Variants in MPHOSPH9 observed in about 807,000 individuals in gnomAD.
MPHOSPH9 encodes the protein M-phase phosphoprotein 9.
A neutral mutation model predicts 145.5 loss-of-function variants in MPHOSPH9; 88 were observed. The ratio of observed to expected loss-of-function variants is 0.60; its 90% CI spans 0.51 to 0.72. The LOEUF is 0.72. Among genes scored for constraint, MPHOSPH9 ranks in the 30% least tolerant of loss-of-function variants. MPHOSPH9 has a pLI of 0.00. For synonymous variants in MPHOSPH9, 435 were observed against 486.2 expected, an observed-to-expected ratio of 0.89 and a Z score of 1.39; for missense variants, 1,238 against 1,386.6, an observed-to-expected ratio of 0.89 and a Z score of 1.70.
At chr12:123,178,578 C>CA (rs1194453926) in intron 15 of MPHOSPH9, among the ~76,000 whole-genome samples, 5 of 152,106 alleles carry the variant, frequency 3.3e-5, no homozygotes, top group Admixed American at 2.0e-4. Context: ...GGCTGGAGTG[C>CA]AGTGGCGTGA....
chr12:123,230,859 T>C (rs1439562502), intron 1 of MPHOSPH9, among the ~76,000 whole-genome samples: 1 of 152,198 alleles, frequency 6.6e-6, no homozygotes, highest in Non-Finnish European at 1.5e-5. Flanking sequence ...ATATCTTGAA[T>C]GGGCAAATTC....
At position 123,221,674 on chromosome 12, in the gene MPHOSPH9, C is replaced by G. The variant is rs1289174594; in HGVS notation, c.570G>C (p.Val190=). 1 of 1,614,120 alleles carries G rather than the reference C, an allele frequency of 6.2e-7. No individual in the cohort carries two copies. Among genetic ancestry groups the G allele is most frequent in the Non-Finnish European group, 8.5e-7 (1 of 1,180,028 alleles). Residue 190 remains valine, a synonymous_variant, in exon 5 of 24, where the codon GTG becomes GTC. Transcript: ENST00000606320. The part of the protein sequence containing the change: ...EMSTSQPDCN[V]DSCSVSSGYG... ...ATCCACTGCTTACTGAGCAACTATCCACATTGCAGTCTGGTTGTGACGTGG... is the reference window on the plus strand; with the variant it reads ...ATCCACTGCTTACTGAGCAACTATCGACATTGCAGTCTGGTTGTGACGTGG...
At chr12:123,179,675 T>C (rs1041320582) in intron 15 of MPHOSPH9, among the ~76,000 whole-genome samples, 28 of 146,982 alleles carry the variant, frequency 1.9e-4, no homozygotes, top group African/African-American at 6.6e-4. Flanking sequence ...AGCCCAGGAA[T>C]TCACAGCCAA....
At chr12:123,175,881 AG>A (rs776956438) in intron 16 of MPHOSPH9, among the ~76,000 whole-genome samples, 79 of 151,568 alleles carry the variant, frequency 5.2e-4, no homozygotes, top group Non-Finnish European at 8.8e-4. Context: ...ACAAAGACCT[AG>A]AAAAATCTTC....
At chr12:123,200,006 T>A (rs1211846682) in intron 11 of MPHOSPH9, among the ~76,000 whole-genome samples, 1 of 152,046 alleles carries the variant, frequency 6.6e-6, no homozygotes, top group African/African-American at 2.4e-5. Context: ...TGAAAAAAAA[T>A]CACTCAAATA....
Position 123,218,552 on chromosome 12 carries a change from G to A in MPHOSPH9, c.873-53C>T, listed in dbSNP as rs1383369505. On this transcript the variant is annotated intron_variant, in intron 5 of 23. Transcript: ENST00000606320. ...CTTTTTTTTTTTGTTTTGAGACAGA[G>A]TCTTGCTGTGTCGCCCAGGCTGGAG... The A allele has an allele frequency of 5.8e-6, 9 of 1,564,692 alleles. No homozygotes were observed. The East Asian group carries it at 1.8e-4, about 31-fold the overall frequency.
In MPHOSPH9 at chr12:123,230,539, G is replaced by GA. The variant is rs1311575769; in HGVS notation, c.-158-18dup. On this transcript the variant is annotated splice_polypyrimidine_tract_variant and intron_variant, in intron 1 of 23. Transcript: ENST00000606320. ...CAAGAGAGTCTGAAAATGAATGGGG[G>GA]AAAAAAATACTACTATAAAAAGCCA... is the stretch of plus-strand genomic sequence containing the variant. 6.8e-6 allele frequency: 3 copies of GA among 444,308 alleles called. No homozygotes were observed. Among genetic ancestry groups the GA allele is most frequent in the African/African-American group, 6.1e-5 (3 of 48,964 alleles). 27.5% of individuals were successfully genotyped at this position (444,308 alleles called of 1,614,324 possible).
chr12:123,241,148 T>G (rs74240773), intron 1 of MPHOSPH9, among the ~76,000 whole-genome samples: 7,259 of 43,332 alleles, frequency 0.17, 308 homozygotes, highest in East Asian at 0.56. Context: ...GTTGTTTTTT[T>G]TTTGTTTTTG....
rs2043992477 is a variant in MPHOSPH9 at position 123,159,123 on chromosome 12, C to T, written c.3450+1658G>A. Among the ~76,000 whole-genome samples, 1 of 152,158 alleles carries T rather than the reference C, an allele frequency of 6.6e-6. No homozygotes were observed. The highest frequency in any genetic ancestry group is 6.5e-5 in the Admixed American group (1 of 15,274). On this transcript the variant is annotated intron_variant, in intron 23 of 23. Transcript: ENST00000606320. This position sits in a 1 kb window ranked among gnomAD's most constrained non-coding sequence, Gnocchi z 4.3. Reference sequence around the variant, plus strand: ...ATAAATAAAAGATTAGCCAAGACAACCCCACACCTTTTAAAAAATGATCAC... The same window carrying T: ...ATAAATAAAAGATTAGCCAAGACAATCCCACACCTTTTAAAAAATGATCAC...
At chr12:123,211,081 T>G (rs2046692316) in intron 7 of MPHOSPH9, among the ~76,000 whole-genome samples, 1 of 150,104 alleles carries the variant, frequency 6.7e-6, no homozygotes, top group Non-Finnish European at 1.5e-5. Context: ...GCCTCCCAGG[T>G]TCAAGTGATT....
At chr12:123,167,443 C>T (rs1593074923) in intron 16 of MPHOSPH9, among the ~76,000 whole-genome samples, 1 of 152,162 alleles carries the variant, frequency 6.6e-6, no homozygotes, top group East Asian at 1.9e-4. Context: ...TAATAAGCTG[C>T]TTGTACAAGG....
chr12:123,204,506 C>G (rs1234120530), intron 8 of MPHOSPH9, among the ~76,000 whole-genome samples: 1 of 152,126 alleles, frequency 6.6e-6, no homozygotes, highest in Non-Finnish European at 1.5e-5. Flanking sequence ...ATAAGTCCCC[C>G]CCACCCATCA....
chr12:123,196,361 C>A (rs1054492713), intron 12 of MPHOSPH9, among the ~76,000 whole-genome samples: 2 of 152,028 alleles, frequency 1.3e-5, no homozygotes, highest in Non-Finnish European at 2.9e-5. Context: ...AACAAAAAAA[C>A]AAAATAGACA....
intron 5 of MPHOSPH9, among the ~76,000 whole-genome samples, chr12:123,219,996 C>A (rs892022502): frequency 3.9e-5 from 6 of 152,122 alleles, no homozygotes; most frequent in Middle Eastern, 3.2e-3. Flanking sequence ...GAGTTCAAGA[C>A]CAGCCTGGCC....
Position 123,193,505 on chromosome 12 carries a change from C to T in MPHOSPH9, c.2241+881G>A, listed in dbSNP as rs1307587723. The stretch of plus-strand genomic sequence containing the variant: ...AACGATGTTAAGAAAAATTTAGAAG[C>T]CAGGTGCAGTGGCACACACGTGTAG... On this transcript the variant is annotated intron_variant, in intron 13 of 23. Coordinates refer to ENST00000606320, the MANE Select transcript of MPHOSPH9 (RefSeq NM_022782.4). 2.0e-5 allele frequency among the ~76,000 whole-genome samples: 3 copies of T among 151,964 alleles called. No homozygotes were observed. In the East Asian group the frequency reaches 5.8e-4, roughly 29 times the overall value.
At chr12:123,225,695 T>C (rs2138646168) in intron 3 of MPHOSPH9, among the ~76,000 whole-genome samples, 1 of 152,202 alleles carries the variant, frequency 6.6e-6, no homozygotes, top group African/African-American at 2.4e-5. Context: ...TTAAAATACA[T>C]TGTGGCAATG....
intron 16 of MPHOSPH9, among the ~76,000 whole-genome samples, 190 bp from the exon 17 acceptor site, chr12:123,166,979 A>G (rs1041115869): frequency 2.6e-5 from 4 of 152,194 alleles, no homozygotes; most frequent in African/African-American, 9.7e-5. Context: ...CTGTTGTTCT[A>G]GGTTTCTGTT....
At chr12:123,221,038 G>A (rs1467404227) in intron 5 of MPHOSPH9, among the ~76,000 whole-genome samples, 1 of 152,204 alleles carries the variant, frequency 6.6e-6, no homozygotes, top group Non-Finnish European at 1.5e-5. Context: ...CTGGGTGACA[G>A]AGCGAGACTC....
chr12:123,241,141 G>C, intron 1 of MPHOSPH9, among the ~76,000 whole-genome samples: 1 of 148,828 alleles, frequency 6.7e-6, no homozygotes, highest in South Asian at 2.1e-4. Flanking sequence ...ATTTGGGGTT[G>C]TTTTTTTTTT....
Sources: gnomAD v4.1 joint callset for allele counts (sites outside exome capture counted in the v4.1 genomes callset) on GRCh38, gnomAD v4.1.1 for gene constraint, Gnocchi (gnomAD v3.1) non-coding constraint, MANE v1.5 for transcripts, NCBI Gene and HGNC (gene_info 2026-07-23, HGNC 2026-07-21) for gene names.